Variants in KCNH7 observed in about 807,000 individuals in gnomAD.
KCNH7 encodes the protein voltage-gated inwardly rectifying potassium channel KCNH7.
A neutral mutation model predicts 120.8 loss-of-function variants in KCNH7; 49 were observed. The observed-to-expected ratio is 0.41, with a 90% CI of 0.32 to 0.51. The LOEUF is 0.51. KCNH7 is among the 20% of genes least tolerant of loss of function. The probability of loss-of-function intolerance (pLI) is 0.38; values close to 1 mark genes in which losing one functional copy is unlikely to be tolerated. For missense variants in KCNH7, 1,097 were observed against 1,446.6 expected, an observed-to-expected ratio of 0.76 and a Z score of 3.92; for synonymous variants, 547 against 516.1, an observed-to-expected ratio of 1.06 and a Z score of -0.81.
chr2:162,658,633 C>T (rs542642128), intron 2 of KCNH7, among the ~76,000 whole-genome samples: 1 of 152,212 alleles, frequency 6.6e-6, no homozygotes, highest in Non-Finnish European at 1.5e-5. Context: ...TATTTAGCTC[C>T]TCTTTGATTT....
At chr2:162,819,388 T>A (rs1021350564) in intron 2 of KCNH7, among the ~76,000 whole-genome samples, 9 of 152,282 alleles carry the variant, frequency 5.9e-5, no homozygotes, top group Non-Finnish European at 1.2e-4. Flanking sequence ...TAGCAATGTG[T>A]ATACACATAG....
intron 2 of KCNH7, among the ~76,000 whole-genome samples, chr2:162,710,908 G>A (rs146188826): frequency 6.6e-6 from 1 of 152,230 alleles, no homozygotes; most frequent in East Asian, 1.9e-4. Context: ...AAGCAGAACA[G>A]ATGTGTTATG....
At chr2:162,803,436 C>T (rs892160845) in intron 2 of KCNH7, among the ~76,000 whole-genome samples, 3 of 151,580 alleles carry the variant, frequency 2.0e-5, no homozygotes, top group African/African-American at 4.8e-5. Flanking sequence ...TTTAACTCTC[C>T]AGTCACAGAA....
chr2:162,389,789 C>T (rs1298290846), intron 12 of KCNH7, among the ~76,000 whole-genome samples: 1 of 151,920 alleles, frequency 6.6e-6, no homozygotes, highest in Admixed American at 6.6e-5. Context: ...AAATAATTTC[C>T]TCAGAATTCT....
At chr2:162,471,054 T>C (rs13423209) in intron 6 of KCNH7, among the ~76,000 whole-genome samples, 11,152 of 151,996 alleles carry the variant, frequency 0.073, 1,305 homozygotes, top group African/African-American at 0.25. Context: ...GCAGCATGCT[T>C]GTTAAGAGTC....
chr2:162,382,954 G>T (rs537362908), intron 13 of KCNH7, among the ~76,000 whole-genome samples: 31 of 151,888 alleles, frequency 2.0e-4, no homozygotes, highest in Non-Finnish European at 3.2e-4. Flanking sequence ...AATAGAGATT[G>T]CCCTGTAAAT....
intron 2 of KCNH7, among the ~76,000 whole-genome samples, chr2:162,737,929 G>A (rs1302527276): frequency 6.6e-6 from 1 of 151,988 alleles, no homozygotes; most frequent in Non-Finnish European, 1.5e-5. Context: ...GCCACGTATG[G>A]TGGCGCATGC....
At chr2:162,813,581 T>C (rs1684809893) in intron 2 of KCNH7, among the ~76,000 whole-genome samples, 1 of 152,200 alleles carries the variant, frequency 6.6e-6, no homozygotes, top group Non-Finnish European at 1.5e-5. Flanking sequence ...TAATGATTTT[T>C]TATCCACTAT....
chr2:162,478,793 C>T (rs1336786746), intron 6 of KCNH7, among the ~76,000 whole-genome samples: 1 of 152,158 alleles, frequency 6.6e-6, no homozygotes, highest in Non-Finnish European at 1.5e-5. Context: ...TTTCAAACCA[C>T]CTGCTTGCCT....
intron 2 of KCNH7, among the ~76,000 whole-genome samples, chr2:162,664,958 A>G (rs1365814645): frequency 6.6e-6 from 1 of 152,124 alleles, no homozygotes; most frequent in African/African-American, 2.4e-5. Flanking sequence ...GCTAGTTCAG[A>G]TGTGGAGATG....
At chr2:162,772,247 G>T (rs1438325255) in intron 2 of KCNH7, among the ~76,000 whole-genome samples, 1 of 152,182 alleles carries the variant, frequency 6.6e-6, no homozygotes, top group Non-Finnish European at 1.5e-5. Flanking sequence ...CCCAGGGAGA[G>T]AGAAAGAGAT....
intron 2 of KCNH7, among the ~76,000 whole-genome samples, chr2:162,538,542 A>T (rs1692191659): frequency 6.6e-6 from 1 of 151,980 alleles, no homozygotes; most frequent in Non-Finnish European, 1.5e-5. Context: ...CAGCTGAAGG[A>T]TCTTTTTGGG....
At chr2:162,688,460 C>T (rs1685976829) in intron 2 of KCNH7, among the ~76,000 whole-genome samples, 1 of 152,084 alleles carries the variant, frequency 6.6e-6, no homozygotes, top group Non-Finnish European at 1.5e-5. Context: ...TCCATAGCCT[C>T]AACAAATAGG....
chr2:162,418,475 A>C (rs769942484), intron 9 of KCNH7, among the ~76,000 whole-genome samples: 2 of 152,166 alleles, frequency 1.3e-5, no homozygotes, highest in African/African-American at 2.4e-5. Context: ...TTGCTTTTAC[A>C]TTTTTGATGG....
chr2:162,527,931 G>A (rs1246371988), intron 3 of KCNH7: 1 of 151,842 alleles, frequency 6.6e-6, no homozygotes, highest in East Asian at 2.0e-4. Context: ...ACCTTCTTGG[G>A]CATCAGAATG....
chr2:162,603,289 ATG>A (rs1246317617), intron 2 of KCNH7, among the ~76,000 whole-genome samples: 1 of 152,052 alleles, frequency 6.6e-6, no homozygotes, highest in Non-Finnish European at 1.5e-5. Context: ...AAAATAAAAT[ATG>A]GTGGTTTTTA....
intron 9 of KCNH7, among the ~76,000 whole-genome samples, chr2:162,419,362 T>C (rs1687634103): frequency 6.7e-6 from 1 of 150,318 alleles, no homozygotes; most frequent in African/African-American, 2.5e-5. Flanking sequence ...AGTTGGGGGA[T>C]AGGCAGCAAA....
At chr2:162,466,527 G>A (rs1297418333) in intron 6 of KCNH7, among the ~76,000 whole-genome samples, 1 of 152,124 alleles carries the variant, frequency 6.6e-6, no homozygotes, top group Non-Finnish European at 1.5e-5. Flanking sequence ...TGGGGATTAT[G>A]GCAACAACAA....
intron 2 of KCNH7, among the ~76,000 whole-genome samples, chr2:162,720,654 G>A (rs1687296121): frequency 6.6e-6 from 1 of 151,962 alleles, no homozygotes; most frequent in Non-Finnish European, 1.5e-5. Flanking sequence ...GTTGAATTTT[G>A]CTGAACCTGG....
Sources: gnomAD v4.1 joint callset for allele counts (sites outside exome capture counted in the v4.1 genomes callset) on GRCh38, gnomAD v4.1.1 for gene constraint, MANE v1.5 for transcripts, NCBI Gene and HGNC (gene_info 2026-07-23, HGNC 2026-07-21) for gene names.